Variants in ZNF621 observed in about 807,000 individuals in gnomAD.
ZNF621 encodes zinc finger protein 621.
Under a neutral mutation model 12.7 loss-of-function variants are expected in ZNF621, and 6 were observed. The observed-to-expected ratio is 0.47, with a 90% CI of 0.26 to 0.93. ZNF621 has a LOEUF of 0.93. Ranked by LOEUF, ZNF621 falls within the 40% of genes least tolerant of loss-of-function variation. The probability of loss-of-function intolerance (pLI) is 0.15; values close to 1 mark genes in which losing one functional copy is unlikely to be tolerated. For missense variants in ZNF621, 474 were observed against 524.0 expected, an observed-to-expected ratio of 0.90 and a Z score of 0.93; for synonymous variants, 156 against 190.3, an observed-to-expected ratio of 0.82 and a Z score of 1.48.
In ZNF621 at chr3:40,533,404, G is replaced by A; in HGVS notation, c.*314G>A. 3.2e-6 allele frequency: 1 copy of A among 309,494 alleles called. No individual in the cohort carries two copies. Among genetic ancestry groups the A allele is most frequent in the Non-Finnish European group, 6.0e-6 (1 of 166,970 alleles). 19.2% of individuals were successfully genotyped at this position (309,494 alleles called of 1,614,324 possible). On this transcript the variant is annotated 3_prime_UTR_variant, in exon 5 of 5. Coordinates refer to ENST00000339296, the MANE Select transcript of ZNF621 (RefSeq NM_198484.5). The stretch of plus-strand genomic sequence containing the variant: ...GATCCGCCTGCCTTGGCCCCCCAAA[G>A]TGCTGGGATTACAGGAGTGAGCCAC...
rs767746177 is a variant in ZNF621 at position 40,532,382 on chromosome 3, A to G, written c.612A>G (p.Glu204=). ...TACATGAGAAAAACCACATTGGAGAAGGGCCCTATGAATGTAAGGAGTGTG... is the reference window on the plus strand; with the variant it reads ...TACATGAGAAAAACCACATTGGAGAGGGGCCCTATGAATGTAAGGAGTGTG... ...CIVHEKNHIG[E]GPYECKECGK... is the part of the protein sequence containing the mutation. The change falls in exon 5 of 5, where the codon GAA becomes GAG. Residue 204 remains glutamate, a synonymous_variant. Transcript: ENST00000339296. 2.5e-6 allele frequency: 4 copies of G among 1,612,842 alleles called. No homozygotes were observed. Among genetic ancestry groups the G allele is most frequent in the Admixed American group, 1.7e-5 (1 of 59,962 alleles).
At position 40,537,174 on chromosome 3, in the gene ZNF621, C is replaced by G. The variant is rs1468279437; in HGVS notation, c.*4084C>G. 1 of 152,290 alleles carries G rather than the reference C, an allele frequency of 6.6e-6. No individual in the cohort carries two copies. The allele number at this position is 152,290 out of a possible 1,614,324, so 9.4% of individuals were successfully genotyped here. The stretch of plus-strand genomic sequence containing the variant: ...AAATCAAAAGCTAGAAATGATTAAG[C>G]TTAGTGAGGAAGGCTAATGTCAACA... On this transcript the variant is annotated 3_prime_UTR_variant, in exon 5 of 5. Transcript: ENST00000339296.
At chr3:40,528,014 G>A (rs746513176) in intron 2 of ZNF621, among the ~76,000 whole-genome samples, 1 of 152,122 alleles carries the variant, frequency 6.6e-6, no homozygotes. Context: ...ACACATCATT[G>A]TCATCCAAAG....
At position 40,525,867 on chromosome 3, in the gene ZNF621, G is replaced by C; in HGVS notation, c.24+3G>C. 1 of 1,613,168 alleles carries C rather than the reference G, an allele frequency of 6.2e-7. No homozygotes were observed. Among genetic ancestry groups the C allele is most frequent in the Non-Finnish European group, 8.5e-7 (1 of 1,179,850 alleles). ...TGCTCCAAACAACTTGGCCTCAGGT[G>C]AGCTGAGCTTCTTTCAGTTTTTTTG... On this transcript the variant is annotated splice_donor_region_variant and intron_variant, in intron 2 of 4. Transcript: ENST00000339296.
rs940341019 is a variant in ZNF621, at chr3:40,533,300, C to A, written c.*210C>A. On this transcript the variant is annotated 3_prime_UTR_variant, in exon 5 of 5. Coordinates refer to ENST00000339296, the MANE Select transcript of ZNF621 (RefSeq NM_198484.5). ...GGATTACAGGCACGCCTCACCACGC[C>A]CAGCTAATTTCTGTATTTTTAGAAG... The A allele has an allele frequency of 9.2e-6, 7 of 762,682 alleles. No homozygotes were observed. In the African/African-American group the frequency reaches 1.2e-4, roughly 13 times the overall value. The allele number at this position is 762,682 out of a possible 1,614,324, so 47.2% of individuals were successfully genotyped here.
In ZNF621 at chr3:40,532,550, G is replaced by T; in HGVS notation, c.780G>T (p.Glu260Asp). 6.2e-7 allele frequency: 1 copy of T among 1,614,144 alleles called. No individual in the cohort carries two copies. Among genetic ancestry groups the T allele is most frequent in the South Asian group, 1.1e-5 (1 of 91,084 alleles). ...AGCATCAGAGATTACACACGGGAGA[G>T]AAACTCTATAAATGTAAGGAATGTT... is the stretch of plus-strand genomic sequence containing the variant. ...YLQHQRLHTG[E>D]KLYKCKECWK... Residue 260 changes from glutamate to aspartate, a missense_variant, in exon 5 of 5, where the codon GAG becomes GAT. Transcript: ENST00000339296.
intron 4 of ZNF621, 118 bp downstream of exon 4, chr3:40,530,434 C>T: frequency 1.3e-6 from 1 of 781,334 alleles, no homozygotes; most frequent in Admixed American, 2.6e-5. Flanking sequence ...TCGATACTCA[C>T]TGTACTCTCT....
chr3:40,523,804 A>AAAAAC (rs1415418432), upstream of ZNF621, among the ~76,000 whole-genome samples: 1 of 151,784 alleles, frequency 6.6e-6, no homozygotes, highest in Non-Finnish European at 1.5e-5. Flanking sequence ...AAAAAAAAAA[A>AAAAAC]AACAAAGTCT....
intron 2 of ZNF621, among the ~76,000 whole-genome samples, 192 bp from the exon 3 acceptor site, chr3:40,529,127 C>G (rs532995362): frequency 1.3e-5 from 2 of 152,152 alleles, no homozygotes; most frequent in Admixed American, 6.5e-5. Flanking sequence ...TGTTGGGGCT[C>G]CCCATTTGAA....
rs1329859373 is a variant in ZNF621, at chr3:40,531,923, T to C, written c.260-107T>C. On this transcript the variant is annotated intron_variant, in intron 4 of 4. Coordinates refer to ENST00000339296, the MANE Select transcript of ZNF621 (RefSeq NM_198484.5). ...TTATAGATGCTTGTATATAACCATT[T>C]CACAGGTATCTTTAAAAATTACATT... The C allele has an allele frequency of 1.4e-5, 15 of 1,059,254 alleles. No homozygotes were observed. In the East Asian group the frequency reaches 3.1e-4, roughly 22 times the overall value. The allele number at this position is 1,059,254 out of a possible 1,614,324, so 65.6% of individuals were successfully genotyped here. A position where few individuals can be genotyped will look rare whatever the true frequency, so the allele number is the denominator to read the frequency against.
rs961374207 is a variant in ZNF621 at position 40,535,164 on chromosome 3, G to C, written c.*2074G>C. On this transcript the variant is annotated 3_prime_UTR_variant, in exon 5 of 5. Transcript: ENST00000339296. ...CCGTGCTAGAATGAGAACATATGGAGCCAACTTGAGTTCGGAAGGGCTGTG... is the reference window on the plus strand; with the variant it reads ...CCGTGCTAGAATGAGAACATATGGACCCAACTTGAGTTCGGAAGGGCTGTG... 1 of 152,248 alleles carries C rather than the reference G, an allele frequency of 6.6e-6. No individual in the cohort carries two copies. The highest frequency in any genetic ancestry group is 1.5e-5 in the Non-Finnish European group (1 of 68,048). 9.4% of individuals were successfully genotyped at this position (152,248 alleles called of 1,614,324 possible).
intron 1 of ZNF621, 150 bp from the exon 2 acceptor site, chr3:40,525,629 T>G: frequency 3.0e-6 from 2 of 669,730 alleles, no homozygotes; most frequent in East Asian, 5.4e-5. Flanking sequence ...TCATAAGAAG[T>G]TTGGGGCTAT....
chr3:40,526,758 G>A (rs183167640), intron 2 of ZNF621, among the ~76,000 whole-genome samples: 32 of 152,182 alleles, frequency 2.1e-4, no homozygotes, highest in African/African-American at 7.2e-4. Context: ...GGGATGACAT[G>A]GTTGGATTTA....
In ZNF621 at chr3:40,528,122, T is replaced by G. The variant is rs564567147; in HGVS notation, c.25-1197T>G. Among the ~76,000 whole-genome samples, 3 of 152,336 alleles carry G rather than the reference T, an allele frequency of 2.0e-5. No individual in the cohort carries two copies. The South Asian group carries it at 6.2e-4, about 32-fold the overall frequency. Reference sequence around the variant, plus strand: ...TAGTTTCACTGCCCTAAAAATACCTTATGCTCCTCTTATCCATCCTTACTT... The same window carrying G: ...TAGTTTCACTGCCCTAAAAATACCTGATGCTCCTCTTATCCATCCTTACTT... On this transcript the variant is annotated intron_variant, in intron 2 of 4. Transcript: ENST00000339296.
At chr3:40,530,095 C>A in intron 3 of ZNF621, 114 bp from the exon 4 acceptor site, 1 of 759,818 alleles carries the variant, frequency 1.3e-6, no homozygotes, top group South Asian at 1.8e-5. Context: ...CTCACTTGGT[C>A]TGCTGGTGTT....
rs777571744 is a variant in ZNF621 at position 40,532,672 on chromosome 3, C to G, written c.902C>G (p.Thr301Ser). The G allele has an allele frequency of 3.4e-5, 55 of 1,614,008 alleles. No homozygotes were observed. Among genetic ancestry groups the G allele is most frequent in the Non-Finnish European group, 4.5e-5 (53 of 1,180,020 alleles). ...TGTAAGGAGTGTGGCAAAGCCTTCA[C>G]CCAGAAAATAGCCTCCATTCAGCAT... ...YQCKECGKAF[T>S]QKIASIQHQR... The change falls in exon 5 of 5, where the codon ACC (threonine) becomes AGC (serine). Residue 301 changes from threonine to serine, a missense_variant. Physicochemically the swap from Thr to Ser is moderately conservative, Grantham distance 58 (BLOSUM62 1). Transcript: ENST00000339296.
In ZNF621 at chr3:40,533,265, C is replaced by T. The variant is rs577464000; in HGVS notation, c.*175C>T. ...AAGCGATTCTCCTCCTTCAGACTCT[C>T]GAATAGCTGGGATTACAGGCACGCC... On this transcript the variant is annotated 3_prime_UTR_variant, in exon 5 of 5. Coordinates refer to ENST00000339296, the MANE Select transcript of ZNF621 (RefSeq NM_198484.5). 37 of 1,076,448 alleles carry T rather than the reference C, an allele frequency of 3.4e-5. No individual in the cohort carries two copies. The highest frequency in any genetic ancestry group is 6.3e-5 in the African/African-American group (4 of 63,010). 66.7% of individuals were successfully genotyped at this position (1,076,448 alleles called of 1,614,324 possible).
At position 40,525,289 on chromosome 3, in the gene ZNF621, G is replaced by C. The variant is rs1698549441; in HGVS notation, c.-63+15G>C. 6.3e-6 allele frequency: 1 copy of C among 158,952 alleles called. No individual in the cohort carries two copies. Among genetic ancestry groups the C allele is most frequent in the African/African-American group, 2.4e-5 (1 of 41,508 alleles). The allele number at this position is 158,952 out of a possible 1,614,324, so 9.8% of individuals were successfully genotyped here. On this transcript the variant is annotated intron_variant, in intron 1 of 4. Coordinates refer to ENST00000339296, the MANE Select transcript of ZNF621 (RefSeq NM_198484.5). ...TCTGGCTCCCGGTACTGACGTTTCT[G>C]ATGTTTGGGGTTGCCTGTTTTCTTG...
intron 2 of ZNF621, among the ~76,000 whole-genome samples, chr3:40,527,845 C>T (rs1698622908): frequency 6.6e-6 from 1 of 152,182 alleles, no homozygotes; most frequent in Non-Finnish European, 1.5e-5. Context: ...AACACTGGTA[C>T]TTAAAATAGT....
Sources: gnomAD v4.1 joint callset for allele counts (sites outside exome capture counted in the v4.1 genomes callset) on GRCh38, gnomAD v4.1.1 for gene constraint, MANE v1.5 for transcripts, NCBI Gene and HGNC (gene_info 2026-07-23, HGNC 2026-07-21) for gene names.